NBEAL1: variants seen among roughly 807,000 people sequenced by gnomAD.
NBEAL1 encodes the protein neurobeachin-like protein 1.
In NBEAL1, 273 loss-of-function variants were observed where a neutral mutation model predicts 351.3. That is an observed-to-expected ratio of 0.78 (90% CI 0.70 to 0.86). NBEAL1 has a LOEUF of 0.86. Among genes scored for constraint, NBEAL1 ranks in the 40% least tolerant of loss-of-function variants. The probability of loss-of-function intolerance (pLI) is 0.00; values close to 1 mark genes in which losing one functional copy is unlikely to be tolerated. For synonymous variants in NBEAL1, 1,050 were observed against 1,086.4 expected (o/e 0.97, Z 0.66); for missense variants, 2,961 against 3,201.3 (o/e 0.92, Z 1.81).
At chr2:203,134,963 G>C (rs1262708099) in intron 27 of NBEAL1, among the ~76,000 whole-genome samples, 1 of 152,120 alleles carries the variant, frequency 6.6e-6, no homozygotes, top group Non-Finnish European at 1.5e-5. Flanking sequence ...ATCACAGGAG[G>C]TCAGGAGTTC....
In NBEAL1 at chr2:203,132,035, C is replaced by T. The variant is rs928751096; in HGVS notation, c.3627C>T (p.Leu1209=). The T allele has an allele frequency of 6.4e-7, 1 of 1,554,722 alleles. No homozygotes were observed. Among genetic ancestry groups the T allele is most frequent in the South Asian group, 1.2e-5 (1 of 84,364 alleles). ...VYERSKQHIR[L]REVGYSGLGL... ...AGCGTAGTAAACAACATATTCGACT[C>T]AGAGAAGTTGGCTACTCGGGACTGG... The change falls in exon 26 of 56, where the codon CTC becomes CTT. Residue 1209 remains leucine (L), a synonymous_variant. Transcript: ENST00000683969.
chr2:203,184,297 G>A (rs2105749918), intron 44 of NBEAL1, among the ~76,000 whole-genome samples: 1 of 152,110 alleles, frequency 6.6e-6, no homozygotes, highest in Non-Finnish European at 1.5e-5. Flanking sequence ...TGGGTGTGTT[G>A]GCGGGTGCCT....
chr2:203,021,116 C>T (rs955198129), intron 2 of NBEAL1, among the ~76,000 whole-genome samples: 4 of 151,894 alleles, frequency 2.6e-5, no homozygotes, highest in South Asian at 2.1e-4. Context: ...TTAGTAGTGA[C>T]GGGGTTTCAC....
intron 19 of NBEAL1, among the ~76,000 whole-genome samples, chr2:203,123,342 CTTT>C (rs556349216): frequency 3.6e-5 from 5 of 139,030 alleles, no homozygotes; most frequent in African/African-American, 5.2e-5. Context: ...TTTCTTTTTT[CTTT>C]TTTTTTTTTT....
intron 4 of NBEAL1, chr2:203,052,235 C>G (rs989722183): frequency 3.3e-5 from 5 of 150,306 alleles, no homozygotes; most frequent in Admixed American, 6.8e-5. Flanking sequence ...CCTGCCCGCC[C>G]CAACCTCTGT....
Position 203,165,104 on chromosome 2 carries a change from G to A in NBEAL1, c.5715-1045G>A, listed in dbSNP as rs552647008. On this transcript the variant is annotated intron_variant, in intron 36 of 55. Transcript: ENST00000683969. The stretch of plus-strand genomic sequence containing the variant: ...TTGAACTCCCGACCTCAGGTGATCC[G>A]TCCATCTCTGCCTCCCAAAGTGCTG... 4.7e-4 allele frequency among the ~76,000 whole-genome samples: 71 copies of A among 152,094 alleles called. 1 individual carries two copies. The South Asian group carries it at 7.1e-3, about 15-fold the overall frequency.
At chr2:203,119,392 T>G (rs910046546) in intron 18 of NBEAL1, among the ~76,000 whole-genome samples, 40 of 148,998 alleles carry the variant, frequency 2.7e-4, no homozygotes, top group Non-Finnish European at 4.8e-4. Flanking sequence ...GTGCTAAGAT[T>G]ACAGGCGTGA....
chr2:203,017,004 G>C (rs2105983011), intron 2 of NBEAL1, among the ~76,000 whole-genome samples: 1 of 152,268 alleles, frequency 6.6e-6, no homozygotes, highest in Non-Finnish European at 1.5e-5. Flanking sequence ...GTACTGAGTA[G>C]CCGAGAAACA....
chr2:203,053,066 A>G (rs1040518493), intron 4 of NBEAL1, among the ~76,000 whole-genome samples: 2 of 152,168 alleles, frequency 1.3e-5, no homozygotes, highest in South Asian at 2.1e-4. Flanking sequence ...TTGCATACAC[A>G]TAAGTTTTCA....
intron 50 of NBEAL1, among the ~76,000 whole-genome samples, chr2:203,201,972 A>G (rs938982140): frequency 6.6e-6 from 1 of 152,120 alleles, no homozygotes; most frequent in Admixed American, 6.6e-5. Context: ...TTTTTAATGA[A>G]TGATAAAAGT....
intron 2 of NBEAL1, among the ~76,000 whole-genome samples, chr2:203,031,982 G>C (rs1346265282): frequency 6.6e-6 from 1 of 152,134 alleles, no homozygotes; most frequent in Non-Finnish European, 1.5e-5. Context: ...CCGAAATTAG[G>C]CTATGAAAGG....
intron 36 of NBEAL1, among the ~76,000 whole-genome samples, chr2:203,164,946 C>G (rs1449833134): frequency 6.6e-6 from 1 of 151,264 alleles, no homozygotes; most frequent in African/African-American, 2.4e-5. Flanking sequence ...ACCGCACCCT[C>G]CACCTGCCAG....
At chr2:203,071,895 G>A (rs2061690004) in intron 7 of NBEAL1, among the ~76,000 whole-genome samples, 1 of 152,168 alleles carries the variant, frequency 6.6e-6, no homozygotes, top group Admixed American at 6.5e-5. Context: ...CTTGAGAATA[G>A]CCCTCTTTGG....
chr2:203,151,129 G>A (rs1046803599), intron 34 of NBEAL1, among the ~76,000 whole-genome samples: 45 of 152,218 alleles, frequency 3.0e-4, no homozygotes, highest in Non-Finnish European at 1.5e-4. Context: ...CCAGGAGTTC[G>A]AGACCAGCCT....
At position 203,107,997 on chromosome 2, in the gene NBEAL1, G is replaced by A. The variant is rs1436477850; in HGVS notation, c.1758G>A (p.Met586Ile). Residue 586 changes from methionine (M) to isoleucine (I), a missense_variant, in exon 14 of 56, where the codon ATG (methionine) becomes ATA (isoleucine). Transcript: ENST00000683969. ...CCGTGACTCGAGCAATCCTGACAATGGCCCGAAAACTAAGTCTAGAGAGTG... is the reference window on the plus strand; with the variant it reads ...CCGTGACTCGAGCAATCCTGACAATAGCCCGAAAACTAAGTCTAGAGAGTG... ...VTPVTRAILT[M>I]ARKLSLESAL... 1 of 1,554,518 alleles carries A rather than the reference G, an allele frequency of 6.4e-7. No homozygotes were observed. The highest frequency in any genetic ancestry group is 2.0e-5 in the Admixed American group (1 of 51,004).
intron 42 of NBEAL1, among the ~76,000 whole-genome samples, 155 bp from the exon 43 acceptor site, chr2:203,180,227 A>G (rs1409745547): frequency 6.6e-6 from 1 of 152,214 alleles, no homozygotes; most frequent in Non-Finnish European, 1.5e-5. Flanking sequence ...TTATCATAAT[A>G]AGGAGAGTAA....
intron 2 of NBEAL1, 75 bp from the exon 3 acceptor site, chr2:203,041,690 C>G: frequency 1.1e-6 from 1 of 901,126 alleles, no homozygotes; most frequent in Non-Finnish European, 1.7e-6. Flanking sequence ...CTTTAGGTAT[C>G]TGCTTAATAG....
In NBEAL1 at chr2:203,168,337, G is replaced by A. The variant is rs188606834; in HGVS notation, c.5997+977G>A. Among the ~76,000 whole-genome samples, 13 of 152,394 alleles carry A rather than the reference G, an allele frequency of 8.5e-5. No individual in the cohort carries two copies. In the East Asian group the frequency reaches 2.1e-3, roughly 25 times the overall value. ...ACAGTGGCTCACGCCTGTGATCCCA[G>A]CACTTTGGGAGGCCGAGGCGGGTGG... On this transcript the variant is annotated intron_variant, in intron 38 of 55. Coordinates refer to ENST00000683969, the MANE Select transcript of NBEAL1 (RefSeq NM_001378026.1).
At chr2:203,027,078 A>G (rs1377135416) in intron 2 of NBEAL1, among the ~76,000 whole-genome samples, 1 of 152,168 alleles carries the variant, frequency 6.6e-6, no homozygotes, top group Non-Finnish European at 1.5e-5. Context: ...TTTTTTTGTG[A>G]CAATTTTGTC....
Sources: allele counts gnomAD v4.1 joint callset (sites outside exome capture counted in the v4.1 genomes callset), GRCh38; gene constraint gnomAD v4.1.1; transcripts MANE v1.5; gene names NCBI Gene and HGNC (gene_info 2026-07-23, HGNC 2026-07-21).